CASP6: variants seen among roughly 807,000 people sequenced by gnomAD.
The protein encoded by CASP6 is caspase 6.
In CASP6, 20 loss-of-function variants were observed where a neutral mutation model predicts 31.8. The ratio of observed to expected loss-of-function variants is 0.63; its 90% confidence interval spans 0.44 to 0.91. The LOEUF (loss-of-function observed/expected upper bound fraction) is 0.91, where lower values mean the gene tolerates loss of function less well. Ranked by LOEUF, CASP6 falls within the 40% of genes least tolerant of loss-of-function variation. CASP6 has a pLI of 0.00. For missense variants in CASP6, 328 were observed against 361.1 expected (o/e 0.91, Z 0.74); for synonymous variants, 130 against 127.8 (o/e 1.02, Z -0.12).
In CASP6 at chr4:109,689,423, A is replaced by G; in HGVS notation, c.789T>C (p.Phe263=). ...NRKVSQRRVD[F]CKDPSAIGKK... is the part of the protein sequence containing the mutation. ...TTCCAATTGCACTTGGGTCTTTGCA[A>G]AAGTCCACTCGGCGCTGAGAAACTT... Residue 263 remains phenylalanine, a synonymous_variant, in exon 7 of 7, where the codon TTT becomes TTC. Transcript: ENST00000265164. 6.2e-7 allele frequency: 1 copy of G among 1,614,248 alleles called. No homozygotes were observed. The highest frequency in any genetic ancestry group is 8.5e-7 in the Non-Finnish European group (1 of 1,180,054).
chr4:109,686,329 GAGTTCC>G (rs1729835593), downstream of CASP6, among the ~76,000 whole-genome samples: 1 of 152,250 alleles, frequency 6.6e-6, no homozygotes, highest in East Asian at 1.9e-4. Context: ...AGTAGAGACA[GAGTTCC>G]ACTATGTTGT....
chr4:109,685,222 GTTTTC>G, downstream of CASP6: 3 of 903,116 alleles, frequency 3.3e-6, no homozygotes, highest in Non-Finnish European at 5.3e-6. Context: ...AAAACATGTT[GTTTTC>G]TTCTCTCTCT....
chr4:109,700,372 G>C (rs1374536361), intron 1 of CASP6, among the ~76,000 whole-genome samples: 2 of 152,120 alleles, frequency 1.3e-5, no homozygotes, highest in Non-Finnish European at 2.9e-5. Context: ...TTAAAATGAC[G>C]TTCTGGCCGG....
At chr4:109,667,668 ATATT>A in the CASP6 span, among the ~76,000 whole-genome samples, 3 of 149,820 alleles carry the variant, frequency 2.0e-5, no homozygotes, top group Non-Finnish European at 3.0e-5. Context: ...ATATTCTACT[ATATT>A]TATTATCTCT....
the CASP6 span, among the ~76,000 whole-genome samples, chr4:109,670,778 C>T: frequency 6.6e-5 from 10 of 151,866 alleles, no homozygotes; most frequent in African/African-American, 2.4e-4. Flanking sequence ...AAAATCACTA[C>T]TTTTCCTTTC....
intron 3 of CASP6, among the ~76,000 whole-genome samples, chr4:109,697,168 G>T (rs1237213508): frequency 6.6e-6 from 1 of 151,990 alleles, no homozygotes; most frequent in Admixed American, 6.6e-5. Context: ...CCTCATTAGT[G>T]TTGACAAGTT....
At chr4:109,673,364 C>A in the CASP6 span, among the ~76,000 whole-genome samples, 12 of 152,294 alleles carry the variant, frequency 7.9e-5, no homozygotes, top group South Asian at 2.5e-3. Context: ...GCACAACCTC[C>A]GCACTCCTGC....
chr4:109,695,740 C>A (rs1346317012), intron 4 of CASP6, among the ~76,000 whole-genome samples: 205 of 127,752 alleles, frequency 1.6e-3, no homozygotes, highest in Admixed American at 2.0e-3. Context: ...GACTCCATCT[C>A]AAAAAAAAAA....
the CASP6 span, among the ~76,000 whole-genome samples, chr4:109,673,265 T>G: frequency 6.6e-5 from 10 of 152,254 alleles, no homozygotes; most frequent in Non-Finnish European, 1.2e-4. Context: ...TGGAAATAGA[T>G]GTTTACAGGC....
chr4:109,694,967 G>A (rs369962150), intron 4 of CASP6, among the ~76,000 whole-genome samples: 1 of 152,060 alleles, frequency 6.6e-6, no homozygotes, highest in South Asian at 2.1e-4. Flanking sequence ...CAAGTAGCTG[G>A]GATTACAGAT....
chr4:109,680,986 A>G, the CASP6 span, among the ~76,000 whole-genome samples: 1,293 of 152,338 alleles, frequency 8.5e-3, 33 homozygotes, highest in Non-Finnish European at 7.0e-3. Flanking sequence ...AGGGAAGTCT[A>G]TAATCAAGAG....
chr4:109,685,275 A>T, downstream of CASP6: 1 of 1,509,930 alleles, frequency 6.6e-7, no homozygotes, highest in Non-Finnish European at 9.2e-7. Context: ...AGCTGTTAAG[A>T]GTAGGCAATT....
At chr4:109,699,055 C>T (rs958415934) in intron 1 of CASP6, among the ~76,000 whole-genome samples, 9 of 152,236 alleles carry the variant, frequency 5.9e-5, no homozygotes, top group African/African-American at 1.7e-4. Flanking sequence ...GTCTACTGAG[C>T]ATTTAAATGC....
At chr4:109,688,234 T>G (rs1314573663), downstream of CASP6, 6 of 152,250 alleles carry the variant, frequency 3.9e-5, no homozygotes, top group African/African-American at 1.2e-4. Flanking sequence ...TCTGGCAGAT[T>G]ATTAACAAAA....
chr4:109,696,639 C>G (rs1730248004), intron 3 of CASP6, 153 bp from the exon 4 acceptor site: 1 of 570,796 alleles, frequency 1.8e-6, no homozygotes, highest in African/African-American at 1.9e-5. Context: ...GTTTTCCCTT[C>G]ATTCACCATG....
At chr4:109,689,800 C>T (rs929749181) in intron 6 of CASP6, among the ~76,000 whole-genome samples, 1 of 151,956 alleles carries the variant, frequency 6.6e-6, no homozygotes, top group African/African-American at 2.4e-5. Flanking sequence ...CTTCCATTTC[C>T]TAAAAAATTC....
downstream of CASP6, among the ~76,000 whole-genome samples, chr4:109,686,889 A>T (rs971406227): frequency 6.6e-6 from 1 of 152,104 alleles, no homozygotes; most frequent in Non-Finnish European, 1.5e-5. Context: ...AAATAAAAAA[A>T]TTTAAATATA....
At position 109,696,503 on chromosome 4, in the gene CASP6, T is replaced by C. The variant is rs1730244079; in HGVS notation, c.231-17A>G. 6.4e-7 allele frequency: 1 copy of C among 1,570,174 alleles called. No individual in the cohort carries two copies. Among genetic ancestry groups the C allele is most frequent in the South Asian group, 1.1e-5 (1 of 89,410 alleles). On this transcript the variant is annotated splice_polypyrimidine_tract_variant and intron_variant, in intron 3 of 6. Coordinates refer to ENST00000265164, the MANE Select transcript of CASP6 (RefSeq NM_001226.4). ...TCTGAAAACCTAGTGGTATATTAAATGAAATGTTAGCCTATAAACTTTTCA... is the reference window on the plus strand; with the variant it reads ...TCTGAAAACCTAGTGGTATATTAAACGAAATGTTAGCCTATAAACTTTTCA...
rs749088816 is a variant in CASP6 at position 109,689,480 on chromosome 4, C to T, written c.732G>A (p.Glu244=). Residue 244 remains glutamate (E), a synonymous_variant, in exon 7 of 7, where the codon GAG becomes GAA. Coordinates refer to ENST00000265164, the MANE Select transcript of CASP6 (RefSeq NM_001226.4). ...TCACCAGTGTGAGGAGTTCTGTGAACTCTAAGGAGGAGCCATATTTTCCCA... is the reference window on the plus strand; with the variant it reads ...TCACCAGTGTGAGGAGTTCTGTGAATTCTAAGGAGGAGCCATATTTTCCCA... ...EMLGKYGSSL[E]FTELLTLVNR... 4.3e-6 allele frequency: 7 copies of T among 1,614,068 alleles called. No homozygotes were observed. In the East Asian group the frequency reaches 1.3e-4, roughly 31 times the overall value.
Sources: allele counts gnomAD v4.1 joint callset (sites outside exome capture counted in the v4.1 genomes callset), GRCh38; gene constraint gnomAD v4.1.1; transcripts MANE v1.5; gene names NCBI Gene and HGNC (gene_info 2026-07-23, HGNC 2026-07-21).